The following CLOCK variants were observed in gnomAD, a reference collection of about 807,000 sequenced individuals.
The protein encoded by CLOCK is circadian locomoter output cycles protein kaput.
CLOCK carries 43 observed loss-of-function variants against 118.4 expected under a neutral mutation model. The ratio of observed to expected loss-of-function variants is 0.36; its 90% CI spans 0.28 to 0.47. The LOEUF (loss-of-function observed/expected upper bound fraction) is 0.47, where lower values mean the gene tolerates loss of function less well. CLOCK is among the 20% of genes least tolerant of loss of function. The pLI is 1.00. For synonymous variants in CLOCK, 326 were observed against 339.2 expected, an observed-to-expected ratio of 0.96 and a Z score of 0.43; for missense variants, 846 against 999.9, an observed-to-expected ratio of 0.85 and a Z score of 2.08.
At chr4:55,451,337 T>G (rs1478754971) in intron 15 of CLOCK, among the ~76,000 whole-genome samples, 1 of 152,222 alleles carries the variant, frequency 6.6e-6, no homozygotes, top group Admixed American at 6.5e-5. Context: ...CACTCCTCAC[T>G]GATACTCTTG....
chr4:55,475,942 A>G, intron 7 of CLOCK, 21 bp downstream of exon 7: 1 of 1,567,572 alleles, frequency 6.4e-7, no homozygotes. Flanking sequence ...TAAAACTTTC[A>G]AAAATTAAAT....
chr4:55,536,776 C>A (rs1730933921), intron 1 of CLOCK, among the ~76,000 whole-genome samples: 1 of 152,148 alleles, frequency 6.6e-6, no homozygotes, highest in Admixed American at 6.6e-5. Context: ...TTCCCCCACC[C>A]CTCTCCCAAC....
chr4:55,470,747 C>G lies in CLOCK; in HGVS notation c.408G>C (p.Glu136Asp). 1 of 1,610,994 alleles carries G rather than the reference C, an allele frequency of 6.2e-7. No individual in the cohort carries two copies. Reference sequence around the variant, plus strand: ...AATGTTCAAGTAATGAAGTTACACTCTCAGACACATATATTATGCTTCCAT... The same window carrying G: ...AATGTTCAAGTAATGAAGTTACACTGTCAGACACATATATTATGCTTCCAT... ...MTDGSIIYVSESVTSLLEHLP... is the reference protein window; with the variant it reads ...MTDGSIIYVSDSVTSLLEHLP... Residue 136 changes from glutamate to aspartate, a missense_variant, in exon 8 of 23, where the codon GAG (glutamate) becomes GAC (aspartate). Physicochemically the swap from Glu to Asp is conservative, Grantham distance 45. Around this residue, in one of 4 missense-constraint regions of CLOCK, gnomAD observed 246 missense variants for 300.2 expected, o/e 0.82. Coordinates refer to ENST00000513440, the MANE Select transcript of CLOCK (RefSeq NM_004898.4).
intron 1 of CLOCK, among the ~76,000 whole-genome samples, chr4:55,533,498 A>G (rs1730686510): frequency 6.6e-6 from 1 of 152,240 alleles, no homozygotes; most frequent in African/African-American, 2.4e-5. Flanking sequence ...TATTTTTTCA[A>G]CACTTTTTAA....
At chr4:55,440,022 T>G (rs1723224385) in intron 21 of CLOCK, among the ~76,000 whole-genome samples, 1 of 152,178 alleles carries the variant, frequency 6.6e-6, no homozygotes, top group Non-Finnish European at 1.5e-5. Flanking sequence ...ATAAAAATTT[T>G]TTTTAATCTA....
intron 1 of CLOCK, among the ~76,000 whole-genome samples, chr4:55,534,858 CT>C (rs1182285752): frequency 6.6e-6 from 1 of 151,872 alleles, no homozygotes; most frequent in Non-Finnish European, 1.5e-5. Flanking sequence ...TATCAGTTTT[CT>C]TTAAATTAAT....
At chr4:55,498,800 C>A (rs1031406678) in intron 2 of CLOCK, among the ~76,000 whole-genome samples, 1 of 151,912 alleles carries the variant, frequency 6.6e-6, no homozygotes, top group African/African-American at 2.4e-5. Context: ...GTAGGTAGTA[C>A]AAGAATCCAC....
intron 9 of CLOCK, among the ~76,000 whole-genome samples, chr4:55,461,522 G>A (rs1288122794): frequency 1.3e-5 from 2 of 152,168 alleles, no homozygotes; most frequent in African/African-American, 4.8e-5. Flanking sequence ...AGAATGGTCT[G>A]ATCCATAAGA....
intron 12 of CLOCK, 42 bp from the exon 13 acceptor site, chr4:55,456,045 T>C (rs749910247): frequency 1.4e-6 from 2 of 1,379,432 alleles, no homozygotes; most frequent in Non-Finnish European, 1.0e-6. Flanking sequence ...AGTTTTTCCA[T>C]AATAAGAAAT....
Position 55,438,362 on chromosome 4 carries a change from T to C in CLOCK, c.2281A>G (p.Ser761Gly), listed in dbSNP as rs1577669401. 6.3e-7 allele frequency: 1 copy of C among 1,593,582 alleles called. No individual in the cohort carries two copies. The highest frequency in any genetic ancestry group is 1.3e-5 in the African/African-American group (1 of 74,506). ...LSVTQQQQQQ[S>G]SQEQQLTSVQ... The stretch of plus-strand genomic sequence containing the variant: ...GAAGTGAGCTGCTGCTCCTGGGAGC[T>C]CTGCTGCTGCTGCTGCTGCGTTACT... The change falls in exon 22 of 23, where the codon AGC becomes GGC. Residue 761 changes from serine (S) to glycine (G), a missense_variant. By Grantham distance (56) the Ser-to-Gly change is moderately conservative. Around this residue, in one of 4 missense-constraint regions of CLOCK, gnomAD observed 520 missense variants for 558.0 expected, o/e 0.93. Transcript: ENST00000513440.
At chr4:55,479,844 G>A in intron 4 of CLOCK, 145 bp from the exon 5 acceptor site, 2 of 649,030 alleles carry the variant, frequency 3.1e-6, no homozygotes, top group South Asian at 1.9e-5. Context: ...CTATTTCCTA[G>A]TAAACATTCA....
chr4:55,519,677 C>A lies in CLOCK; in HGVS notation c.-289-9612G>T, dbSNP rs532096732. Among the ~76,000 whole-genome samples, 47 of 152,194 alleles carry A rather than the reference C, an allele frequency of 3.1e-4. 1 individual carries two copies. Among genetic ancestry groups the A allele is most frequent in the African/African-American group, 1.1e-3 (47 of 41,532 alleles). ...TCTGTAATCCCAGCTACTCAGGAAG[C>A]TGAGGCAGGAGAACCAATTGAACCC... On this transcript the variant is annotated intron_variant, in intron 1 of 22. Transcript: ENST00000513440.
At chr4:55,470,391 T>C (rs1048284625) in intron 8 of CLOCK, among the ~76,000 whole-genome samples, 1 of 152,224 alleles carries the variant, frequency 6.6e-6, no homozygotes, top group Non-Finnish European at 1.5e-5. Flanking sequence ...CAACAGGCTA[T>C]ATATACCATA....
intron 9 of CLOCK, among the ~76,000 whole-genome samples, chr4:55,463,074 C>T (rs754471978): frequency 2.0e-5 from 3 of 151,974 alleles, no homozygotes; most frequent in African/African-American, 4.8e-5. Context: ...TGAGGTACTC[C>T]GGTCAAATAA....
intron 2 of CLOCK, among the ~76,000 whole-genome samples, chr4:55,500,917 T>C (rs1189981365): frequency 6.6e-6 from 1 of 151,728 alleles, no homozygotes; most frequent in East Asian, 2.0e-4. Flanking sequence ...AGTGGCACAA[T>C]CTCAGCTCAC....
Position 55,433,565 on chromosome 4 carries a change from A to G in CLOCK, c.*1850T>C, listed in dbSNP as rs758133111. On this transcript the variant is annotated 3_prime_UTR_variant, in exon 23 of 23. Transcript: ENST00000513440. The stretch of plus-strand genomic sequence containing the variant: ...TATTCAGAACCTTTTCTGTTTTAAC[A>G]ACCTCAACTCTGTTACACATTTTCT... 4 of 152,192 alleles carry G rather than the reference A, an allele frequency of 2.6e-5. No individual in the cohort carries two copies. The highest frequency in any genetic ancestry group is 5.9e-5 in the Non-Finnish European group (4 of 68,030). The allele number at this position is 152,192 out of a possible 1,614,324, so 9.4% of individuals were successfully genotyped here.
intron 1 of CLOCK, among the ~76,000 whole-genome samples, chr4:55,514,609 T>A (rs949623518): frequency 6.6e-6 from 1 of 152,000 alleles, no homozygotes; most frequent in Admixed American, 6.5e-5. Context: ...TTTTTTTAAA[T>A]CATGAATGGG....
chr4:55,513,473 G>C (rs975233620), intron 1 of CLOCK, among the ~76,000 whole-genome samples: 1 of 151,984 alleles, frequency 6.6e-6, no homozygotes, highest in Non-Finnish European at 1.5e-5. Flanking sequence ...ATCTATTCCT[G>C]GTCTCTCTAT....
chr4:55,438,267 C>T lies in CLOCK; in HGVS notation c.2361+15G>A, dbSNP rs1247097338. The T allele has an allele frequency of 1.2e-6, 2 of 1,613,966 alleles. No homozygotes were observed. Among genetic ancestry groups the T allele is most frequent in the Non-Finnish European group, 1.7e-6 (2 of 1,179,930 alleles). On this transcript the variant is annotated intron_variant, in intron 22 of 22. Transcript: ENST00000513440. ...GTAAATGAGTTTGAAGCAGCTTCCCCATGGGGAGAATTACCTGTAAAAATT... is the reference window on the plus strand; with the variant it reads ...GTAAATGAGTTTGAAGCAGCTTCCCTATGGGGAGAATTACCTGTAAAAATT...
Sources: gnomAD v4.1 joint callset for allele counts (sites outside exome capture counted in the v4.1 genomes callset) on GRCh38, gnomAD v4.1.1 for gene constraint, gnomAD v4.1.1 regional missense constraint, MANE v1.5 for transcripts, NCBI Gene and HGNC (gene_info 2026-07-23, HGNC 2026-07-21) for gene names.